Variants in PPCDC observed in about 807,000 individuals in gnomAD.
PPCDC encodes the protein phosphopantothenoylcysteine decarboxylase.
A neutral mutation model predicts 20.7 loss-of-function variants in PPCDC; 20 were observed. That is an observed-to-expected ratio of 0.97 (90% CI 0.68 to 1.41). PPCDC has a LOEUF of 1.41. Among genes scored for constraint, PPCDC ranks in the 40% most tolerant of loss-of-function variants. PPCDC has a pLI of 0.00. For synonymous variants in PPCDC, 88 were observed against 100.3 expected, an observed-to-expected ratio of 0.88 and a Z score of 0.73; for missense variants, 246 against 263.8, an observed-to-expected ratio of 0.93 and a Z score of 0.47.
Position 75,028,261 on chromosome 15 carries a change from C to A in PPCDC, c.-58C>A. The A allele has an allele frequency of 6.3e-7, 1 of 1,581,444 alleles. No individual in the cohort carries two copies. Among genetic ancestry groups the A allele is most frequent in the Middle Eastern group, 1.7e-4 (1 of 5,908 alleles). On this transcript the variant is annotated 5_prime_UTR_variant, in exon 2 of 6. Transcript: ENST00000342932. ...TCTCCTTTTAGATCCTAAATCCCGA[C>A]AGCTTTATAGAGCCCAGGCCTGGCA...
chr15:75,040,450 T>C (rs2066138957), intron 2 of PPCDC, among the ~76,000 whole-genome samples: 1 of 152,202 alleles, frequency 6.6e-6, no homozygotes, highest in Non-Finnish European at 1.5e-5. Flanking sequence ...CTTATTTAAC[T>C]AAAAGCTTTT....
At chr15:75,027,975 TTCTGGGATGCAATCTCTG>T (rs2065976776) in intron 1 of PPCDC, among the ~76,000 whole-genome samples, 1 of 152,222 alleles carries the variant, frequency 6.6e-6, no homozygotes, top group South Asian at 2.1e-4. Flanking sequence ...ATGTCATTTT[TTCTGGGATGCAATCTCTG>T]ACTTCTAGAG....
chr15:75,034,750 G>A (rs930666804), intron 2 of PPCDC, among the ~76,000 whole-genome samples: 3 of 152,098 alleles, frequency 2.0e-5, no homozygotes, highest in South Asian at 2.1e-4. Context: ...AAAGCCCTGG[G>A]TTCCTTGTCT....
intron 2 of PPCDC, among the ~76,000 whole-genome samples, chr15:75,036,041 C>T (rs1481811029): frequency 2.0e-5 from 3 of 151,170 alleles, no homozygotes; most frequent in Non-Finnish European, 4.4e-5. Context: ...AGCTGCCTTT[C>T]AGGAATTCTG....
intron 2 of PPCDC, among the ~76,000 whole-genome samples, chr15:75,042,159 C>T (rs1174920343): frequency 6.6e-6 from 1 of 152,208 alleles, no homozygotes; most frequent in African/African-American, 2.4e-5. Context: ...AGACATGGCC[C>T]ATGACTATAG....
In PPCDC at chr15:75,029,367, G is replaced by A. The variant is rs538081772; in HGVS notation, c.135+914G>A. On this transcript the variant is annotated intron_variant, in intron 2 of 5. Coordinates refer to ENST00000342932, the MANE Select transcript of PPCDC (RefSeq NM_021823.5). ...TTACTGGCCCCTAGTTTTTGGTGGG[G>A]TCTTGTGAAGTTGCTGGGCCCCAGG... 2.0e-3 allele frequency among the ~76,000 whole-genome samples: 306 copies of A among 152,274 alleles called. 1 individual carries two copies. The highest frequency in any genetic ancestry group is 2.9e-3 in the Admixed American group (44 of 15,290).
At chr15:75,043,663 C>A in intron 3 of PPCDC, 127 bp downstream of exon 3, 1 of 814,472 alleles carries the variant, frequency 1.2e-6, no homozygotes, top group Non-Finnish European at 1.9e-6. Flanking sequence ...GGTCAGGGCC[C>A]TCTGGGCAGA....
At chr15:75,028,569 A>C in intron 2 of PPCDC, 116 bp downstream of exon 2, 3 of 1,425,664 alleles carry the variant, frequency 2.1e-6, no homozygotes, top group Non-Finnish European at 2.9e-6. Flanking sequence ...CATGTTAATC[A>C]TGCTTGTGGA....
intron 4 of PPCDC, chr15:75,044,735 C>T (rs1245204683): frequency 1.7e-5 from 9 of 545,412 alleles, no homozygotes; most frequent in South Asian, 4.1e-5. Context: ...GCCACTGCTC[C>T]CCAGGAGTGT....
intron 2 of PPCDC, 70 bp downstream of exon 2, chr15:75,028,523 T>C: frequency 6.3e-7 from 1 of 1,588,090 alleles, no homozygotes; most frequent in Middle Eastern, 1.9e-4. Context: ...GGATGGCCCA[T>C]TGCTCTGCAG....
At chr15:75,042,865 G>A (rs909078959) in intron 2 of PPCDC, among the ~76,000 whole-genome samples, 2 of 152,128 alleles carry the variant, frequency 1.3e-5, no homozygotes, top group African/African-American at 4.8e-5. Context: ...ACACAGGCTG[G>A]GTTCTCCAGG....
At chr15:75,036,827 ATGAT>A (rs1293311924) in intron 2 of PPCDC, among the ~76,000 whole-genome samples, 1 of 151,782 alleles carries the variant, frequency 6.6e-6, no homozygotes, top group Non-Finnish European at 1.5e-5. Flanking sequence ...TTATTGATGG[ATGAT>A]TGATTGATTA....
rs2066303489 is a variant in PPCDC at position 75,050,637 on chromosome 15, G to A, written c.*1402G>A. ...AATCAGTGCTCCAGCAGCCTCCACA[G>A]CCTTTATCTCAACAGCACTTGACTT... is the stretch of plus-strand genomic sequence containing the variant. On this transcript the variant is annotated 3_prime_UTR_variant, in exon 6 of 6. Transcript: ENST00000342932. 6.6e-6 allele frequency: 1 copy of A among 152,302 alleles called. No individual in the cohort carries two copies. The highest frequency in any genetic ancestry group is 2.4e-5 in the African/African-American group (1 of 41,464). 9.4% of individuals were successfully genotyped at this position (152,302 alleles called of 1,614,324 possible). A position where few individuals can be genotyped will look rare whatever the true frequency, so the allele number is the denominator to read the frequency against.
chr15:75,036,374 C>A (rs1229323239), intron 2 of PPCDC, among the ~76,000 whole-genome samples: 1 of 152,190 alleles, frequency 6.6e-6, no homozygotes, highest in Non-Finnish European at 1.5e-5. Flanking sequence ...GATCAAGTGA[C>A]ATCCCTCTAA....
chr15:75,041,321 G>A (rs1388845577), intron 2 of PPCDC, among the ~76,000 whole-genome samples: 1 of 152,194 alleles, frequency 6.6e-6, no homozygotes, highest in African/African-American at 2.4e-5. Flanking sequence ...CCAGCATTCA[G>A]TGGGAGTTTG....
chr15:75,044,335 G>A, intron 3 of PPCDC, 51 bp from the exon 4 acceptor site: 1 of 1,604,180 alleles, frequency 6.2e-7, no homozygotes, highest in Non-Finnish European at 8.5e-7. Flanking sequence ...GCCTGCCTTG[G>A]CGCTGCATCC....
In PPCDC at chr15:75,050,000, A is replaced by T. The variant is rs1277819881; in HGVS notation, c.*765A>T. ...CTTACCTCAGCTATCTTGTTATCCTACCCTCAGGGAGTTGTTGAGAGGATT... is the reference window on the plus strand; with the variant it reads ...CTTACCTCAGCTATCTTGTTATCCTTCCCTCAGGGAGTTGTTGAGAGGATT... On this transcript the variant is annotated 3_prime_UTR_variant, in exon 6 of 6. Coordinates refer to ENST00000342932, the MANE Select transcript of PPCDC (RefSeq NM_021823.5). 6.6e-6 allele frequency: 1 copy of T among 152,092 alleles called. No individual in the cohort carries two copies. Among genetic ancestry groups the T allele is most frequent in the Non-Finnish European group, 1.5e-5 (1 of 68,046 alleles). 9.4% of individuals were successfully genotyped at this position (152,092 alleles called of 1,614,324 possible).
Position 75,043,551 on chromosome 15 carries a change from C to T in PPCDC, c.231+15C>T. On this transcript the variant is annotated intron_variant, in intron 3 of 5. Coordinates refer to ENST00000342932, the MANE Select transcript of PPCDC (RefSeq NM_021823.5). ...ATGAATGGGAGGTCAGTGCTGGGGC[C>T]CCTGGGCTGAGTTCCATTGAGTTTC... 1 of 1,589,534 alleles carries T rather than the reference C, an allele frequency of 6.3e-7. No homozygotes were observed. The highest frequency in any genetic ancestry group is 8.6e-7 in the Non-Finnish European group (1 of 1,164,050).
chr15:75,045,247 G>A (rs543517306), intron 4 of PPCDC: 3 of 153,082 alleles, frequency 2.0e-5, no homozygotes, highest in South Asian at 2.0e-4. Flanking sequence ...CGCCTACCAC[G>A]TACTGTACTG....
Sources: gnomAD v4.1 joint callset for allele counts (sites outside exome capture counted in the v4.1 genomes callset) on GRCh38, gnomAD v4.1.1 for gene constraint, MANE v1.5 for transcripts, NCBI Gene and HGNC (gene_info 2026-07-23, HGNC 2026-07-21) for gene names.